Variants in WDR25 observed in about 807,000 individuals in gnomAD.
WDR25 encodes WD repeat domain 25, also known as WD repeat-containing protein 25.
In WDR25, 35 loss-of-function variants were observed where a neutral mutation model predicts 47.7. That is an observed-to-expected ratio of 0.73 (90% confidence interval 0.56 to 0.97). The LOEUF (loss-of-function observed/expected upper bound fraction) is 0.97, where lower values mean the gene tolerates loss of function less well. Among genes scored for constraint, WDR25 ranks in the 50% least tolerant of loss-of-function variants. The probability of loss-of-function intolerance (pLI) is 0.00; values close to 1 mark genes in which losing one functional copy is unlikely to be tolerated. For synonymous variants in WDR25, 248 were observed against 278.9 expected (o/e 0.89, Z 1.10); for missense variants, 634 against 704.7 (o/e 0.90, Z 1.14).
In WDR25 at chr14:100,381,501, AAGGGTAAAGAC is replaced by A. The variant is rs1372302161; in HGVS notation, c.578_588del (p.Lys193SerfsTer23). The A allele has an allele frequency of 6.2e-7, 1 of 1,614,196 alleles. No homozygotes were observed. Reference sequence around the variant, plus strand: ...GCAGGCATTAAGCACGGAGACAGGCAAGGGTAAAGACGTGGAGCCACAGGGGCCCCCTGCAG... The same window carrying A: ...GCAGGCATTAAGCACGGAGACAGGCAGTGGAGCCACAGGGGCCCCCTGCAG... On this transcript the variant is annotated frameshift_variant, in exon 2 of 7. Coordinates refer to ENST00000402312, the MANE Select transcript of WDR25 (RefSeq NM_001161476.3). LOFTEE classifies it high-confidence loss of function.
chr14:100,475,336 AT>A (rs1208216551), intron 3 of WDR25, among the ~76,000 whole-genome samples: 1 of 152,258 alleles, frequency 6.6e-6, no homozygotes, highest in Non-Finnish European at 1.5e-5. Flanking sequence ...CCCCGTATTC[AT>A]TGCAGCACTG....
In WDR25 at chr14:100,529,126, A is replaced by G; in HGVS notation, c.1331A>G (p.Gln444Arg). ...LHPREPVFLAQTNGNYLALFS... is the reference protein window; with the variant it reads ...LHPREPVFLARTNGNYLALFS... ...CCGAGAGAGCCCGTGTTCCTGGCAC[A>G]GACCAATGGCAACTACCTGGCCCTT... The change falls in exon 6 of 7, where the codon CAG becomes CGG. Residue 444 changes from glutamine (Q) to arginine (R), a missense_variant. Physicochemically the swap from Gln to Arg is conservative, Grantham distance 43 (BLOSUM62 1). Coordinates refer to ENST00000402312, the MANE Select transcript of WDR25 (RefSeq NM_001161476.3). This position sits in a 1 kb window ranked among gnomAD's most constrained non-coding sequence, Gnocchi z 5.1. 6.3e-7 allele frequency: 1 copy of G among 1,598,644 alleles called. No individual in the cohort carries two copies. Among genetic ancestry groups the G allele is most frequent in the Non-Finnish European group, 8.6e-7 (1 of 1,168,022 alleles).
In WDR25 at chr14:100,381,514, T is replaced by A. The variant is rs369440548; in HGVS notation, c.590T>A (p.Val197Glu). The change falls in exon 2 of 7, where the codon GTG becomes GAG. Residue 197 changes from valine (V) to glutamate (E), a missense_variant. Val to Glu is a moderately radical substitution (Grantham distance 121, BLOSUM62 -2). Transcript: ENST00000402312. ...ACGGAGACAGGCAAGGGTAAAGACG[T>A]GGAGCCACAGGGGCCCCCTGCAGGG... ...LSTETGKGKD[V>E]EPQGPPAGRA... 8 of 1,614,192 alleles carry A rather than the reference T, an allele frequency of 5.0e-6. No homozygotes were observed. Among genetic ancestry groups the A allele is most frequent in the Non-Finnish European group, 5.1e-6 (6 of 1,180,034 alleles).
At chr14:100,390,936 G>A (rs192599131) in intron 2 of WDR25, among the ~76,000 whole-genome samples, 1 of 152,122 alleles carries the variant, frequency 6.6e-6, no homozygotes, top group Non-Finnish European at 1.5e-5. Flanking sequence ...AGAACGGGCC[G>A]GCACTTCGTT....
chr14:100,503,512 A>C (rs569380109), intron 4 of WDR25, among the ~76,000 whole-genome samples: 33 of 152,290 alleles, frequency 2.2e-4, no homozygotes, highest in African/African-American at 7.9e-4. Context: ...CACTTTGATA[A>C]GCTGGATCTC....
In WDR25 at chr14:100,430,182, G is replaced by GTGTA. The variant is rs947674822; in HGVS notation, c.823-37836_823-37835insATGT. On this transcript the variant is annotated intron_variant, in intron 2 of 6. Coordinates refer to ENST00000402312, the MANE Select transcript of WDR25 (RefSeq NM_001161476.3). The surrounding 1 kb of genome is among the most constrained non-coding windows in gnomAD (Gnocchi z 4.7). Reference sequence around the variant, plus strand: ...TGTGTGTGTGTGTGTGTGTGTGTGTGTGTTCCCGGGAAGGCACATCCTAAG... The same window carrying GTGTA: ...TGTGTGTGTGTGTGTGTGTGTGTGTGTGTATGTTCCCGGGAAGGCACATCCTAAG... Among the ~76,000 whole-genome samples the GTGTA allele has an allele frequency of 2.6e-5, 4 of 151,790 alleles. No individual in the cohort carries two copies. The highest frequency in any genetic ancestry group is 9.7e-5 in the African/African-American group (4 of 41,264).
rs138921765 is a variant in WDR25 at position 100,529,787 on chromosome 14, C to T, written c.1414-33C>T. 6.8e-5 allele frequency: 108 copies of T among 1,597,912 alleles called. No homozygotes were observed. In the African/African-American group the frequency reaches 9.4e-4, roughly 14 times the overall value. On this transcript the variant is annotated intron_variant, in intron 6 of 6. Coordinates refer to ENST00000402312, the MANE Select transcript of WDR25 (RefSeq NM_001161476.3). The surrounding 1 kb of genome is among the most constrained non-coding windows in gnomAD (Gnocchi z 5.1). ...CATACTCACCCCGGCTTGACAGGTG[C>T]GGCTTGCTCACCCACTGTGTCCCTC...
At chr14:100,413,019 G>A (rs758951282) in intron 2 of WDR25, among the ~76,000 whole-genome samples, 1 of 152,032 alleles carries the variant, frequency 6.6e-6, no homozygotes, top group African/African-American at 2.4e-5. Flanking sequence ...TGGTAGAGAC[G>A]GAGTTTCACC....
rs1898245620 is a variant in WDR25, at chr14:100,428,852, T to A, written c.823-39169T>A. ...ATTTCATGAAATTGGTTTGTTTTTC[T>A]TCTTCCATTTCATGAAGCAATATCA... is the stretch of plus-strand genomic sequence containing the variant. On this transcript the variant is annotated intron_variant, in intron 2 of 6. Transcript: ENST00000402312. This position sits in a 1 kb window ranked among gnomAD's most constrained non-coding sequence, Gnocchi z 4.3. Among the ~76,000 whole-genome samples the A allele has an allele frequency of 6.6e-6, 1 of 152,228 alleles. No individual in the cohort carries two copies. The highest frequency in any genetic ancestry group is 6.5e-5 in the Admixed American group (1 of 15,290).
chr14:100,405,484 C>T (rs1184885465), intron 2 of WDR25, among the ~76,000 whole-genome samples: 2 of 152,168 alleles, frequency 1.3e-5, no homozygotes, highest in Non-Finnish European at 2.9e-5. Context: ...TTATAGGCAC[C>T]CTGGGGCCTA....
intron 2 of WDR25, among the ~76,000 whole-genome samples, chr14:100,465,735 G>T (rs1202655348): frequency 1.3e-5 from 2 of 152,172 alleles, no homozygotes; most frequent in Non-Finnish European, 2.9e-5. Flanking sequence ...AAGTGGAATG[G>T]CTGGATCATG....
At chr14:100,409,117 C>G (rs1595509138) in intron 2 of WDR25, among the ~76,000 whole-genome samples, 1 of 152,184 alleles carries the variant, frequency 6.6e-6, no homozygotes, top group African/African-American at 2.4e-5. Context: ...GCTTGAGACT[C>G]ACTCCCAGGT....
At chr14:100,450,607 A>C (rs1898997745) in intron 2 of WDR25, among the ~76,000 whole-genome samples, 1 of 152,230 alleles carries the variant, frequency 6.6e-6, no homozygotes, top group Non-Finnish European at 1.5e-5. Context: ...CTCTTTGCCC[A>C]TCTGTAAAAT....
rs1443780562 is a variant in WDR25 at position 100,523,035 on chromosome 14, C to T, written c.1102-2835C>T. Among the ~76,000 whole-genome samples, 2 of 152,354 alleles carry T rather than the reference C, an allele frequency of 1.3e-5. No homozygotes were observed. Among genetic ancestry groups the T allele is most frequent in the Non-Finnish European group, 1.5e-5 (1 of 68,036 alleles). On this transcript the variant is annotated intron_variant, in intron 4 of 6. Transcript: ENST00000402312. This position sits in a 1 kb window ranked among gnomAD's most constrained non-coding sequence, Gnocchi z 4.7. Reference sequence around the variant, plus strand: ...AGTGAATGTCATCTCACCCGGGGGTCCTGGGAGAGCCAGTGGCAAAGGCTT... The same window carrying T: ...AGTGAATGTCATCTCACCCGGGGGTTCTGGGAGAGCCAGTGGCAAAGGCTT...
At chr14:100,434,672 C>G (rs1048489893) in intron 2 of WDR25, among the ~76,000 whole-genome samples, 1 of 152,148 alleles carries the variant, frequency 6.6e-6, no homozygotes, top group Admixed American at 6.5e-5. Flanking sequence ...CGGACATTTC[C>G]AAAAGGCAGG....
At chr14:100,508,818 T>C (rs1308437320) in intron 4 of WDR25, among the ~76,000 whole-genome samples, 1 of 152,178 alleles carries the variant, frequency 6.6e-6, no homozygotes, top group Non-Finnish European at 1.5e-5. Context: ...AAAAATCATA[T>C]ATTGGTGTTG....
intron 2 of WDR25, among the ~76,000 whole-genome samples, chr14:100,436,835 C>A (rs535617980): frequency 6.6e-6 from 1 of 152,208 alleles, no homozygotes; most frequent in Non-Finnish European, 1.5e-5. Context: ...AGGGTACATG[C>A]GCACCCCAGA....
intron 4 of WDR25, among the ~76,000 whole-genome samples, chr14:100,518,381 T>C (rs899644298): frequency 2.0e-5 from 3 of 152,218 alleles, no homozygotes; most frequent in Admixed American, 1.3e-4. Flanking sequence ...TCATTTTTTT[T>C]TTTCCTGGGC....
At chr14:100,445,095 C>G (rs1898790876) in intron 2 of WDR25, among the ~76,000 whole-genome samples, 1 of 152,172 alleles carries the variant, frequency 6.6e-6, no homozygotes, top group Admixed American at 6.5e-5. Context: ...CCCCATATCC[C>G]CACCAGGCAC....
Sources: gnomAD v4.1 joint callset for allele counts (sites outside exome capture counted in the v4.1 genomes callset) on GRCh38, gnomAD v4.1.1 for gene constraint, Gnocchi (gnomAD v3.1) non-coding constraint, MANE v1.5 for transcripts, NCBI Gene and HGNC (gene_info 2026-07-23, HGNC 2026-07-21) for gene names.